ZNF667: variants seen among roughly 807,000 people sequenced by gnomAD.
The protein encoded by ZNF667 is zinc finger protein 667, also known as myocardial ischemic preconditioning upregulated 1 ortholog.
A neutral mutation model predicts 31.8 loss-of-function variants in ZNF667; 13 were observed. That is an observed-to-expected ratio of 0.41 (90% CI 0.27 to 0.65). The LOEUF (loss-of-function observed/expected upper bound fraction) is 0.65, where lower values mean the gene tolerates loss of function less well. ZNF667 is among the 30% of genes least tolerant of loss of function. The probability of loss-of-function intolerance (pLI) is 0.32; values close to 1 mark genes in which losing one functional copy is unlikely to be tolerated. For missense variants in ZNF667, 642 were observed against 725.6 expected (o/e 0.88, Z 1.32); for synonymous variants, 228 against 247.1 (o/e 0.92, Z 0.73).
At position 56,440,826 on chromosome 19, in the gene ZNF667, A is replaced by G. The variant is rs575869455; in HGVS notation, c.*336T>C. On this transcript the variant is annotated 3_prime_UTR_variant, in exon 7 of 7. Transcript: ENST00000504904. Reference sequence around the variant, plus strand: ...TAATTTTGTATTTTTTAGTAGAGACAGGGTTTCACCGTGGTCTCAAACTCT... The same window carrying G: ...TAATTTTGTATTTTTTAGTAGAGACGGGGTTTCACCGTGGTCTCAAACTCT... The G allele has an allele frequency of 3.4e-5, 27 of 800,924 alleles. No individual in the cohort carries two copies. In the African/African-American group the frequency reaches 4.4e-4, roughly 13 times the overall value. The allele number at this position is 800,924 out of a possible 1,614,324, so 49.6% of individuals were successfully genotyped here.
intron 6 of ZNF667, among the ~76,000 whole-genome samples, chr19:56,447,469 C>T (rs1263501288): frequency 6.6e-6 from 1 of 152,082 alleles, no homozygotes; most frequent in African/African-American, 2.4e-5. Flanking sequence ...AAGAAACAAA[C>T]TGGTACTTGG....
At chr19:56,463,376 GCCT>G (rs2043092289) in intron 3 of ZNF667, among the ~76,000 whole-genome samples, 1 of 152,046 alleles carries the variant, frequency 6.6e-6, no homozygotes, top group African/African-American at 2.4e-5. Flanking sequence ...TGGTCAGATC[GCCT>G]CCTCAAGAGG....
intron 6 of ZNF667, chr19:56,449,349 G>A (rs1250616191): frequency 2.8e-6 from 1 of 353,142 alleles, no homozygotes; most frequent in Non-Finnish European, 5.5e-6. Context: ...TGGAGTGACA[G>A]AGCTAATGTG....
intron 3 of ZNF667, chr19:56,467,049 C>T (rs1037004888): frequency 4.4e-6 from 2 of 456,560 alleles, no homozygotes; most frequent in Admixed American, 2.3e-5. Context: ...TTGGGACCCT[C>T]TTTTCCAGCA....
intron 3 of ZNF667, chr19:56,467,164 G>T: frequency 2.5e-6 from 1 of 396,072 alleles, no homozygotes; most frequent in Non-Finnish European, 5.1e-6. Flanking sequence ...CATGCTAAGG[G>T]GAATACTTGA....
chr19:56,450,022 A>T (rs2042788209), intron 6 of ZNF667, among the ~76,000 whole-genome samples: 1 of 151,978 alleles, frequency 6.6e-6, no homozygotes, highest in Non-Finnish European at 1.5e-5. Context: ...TTAGTGGCTT[A>T]AAGAGAAGGC....
At chr19:56,462,894 A>G (rs967845752) in intron 3 of ZNF667, among the ~76,000 whole-genome samples, 5 of 152,168 alleles carry the variant, frequency 3.3e-5, no homozygotes, top group African/African-American at 1.2e-4. Context: ...GAGTCGTGGA[A>G]TGGTCAGGGA....
Position 56,442,639 on chromosome 19 carries a change from G to A in ZNF667, c.356C>T (p.Pro119Leu), listed in dbSNP as rs899263604. Residue 119 changes from proline (P) to leucine (L), a missense_variant, in exon 7 of 7, where the codon CCT (proline) becomes CTT (leucine). Coordinates refer to ENST00000504904, the MANE Select transcript of ZNF667 (RefSeq NM_001321356.2). ...TTTGTTGCAGCCACTCTTTCGTGTAGGAGCTTTTTGTTGTGCAGAAACTAG... is the reference window on the plus strand; with the variant it reads ...TTTGTTGCAGCCACTCTTTCGTGTAAGAGCTTTTTGTTGTGCAGAAACTAG... Reference protein sequence around the residue: ...QKLVSAQQKAPTRKSGCNKNS... With the variant: ...QKLVSAQQKALTRKSGCNKNS... 3 of 1,613,698 alleles carry A rather than the reference G, an allele frequency of 1.9e-6. No homozygotes were observed. The highest frequency in any genetic ancestry group is 2.5e-6 in the Non-Finnish European group (3 of 1,179,966).
chr19:56,458,025 A>T (rs1210501490), intron 6 of ZNF667, 130 bp downstream of exon 6: 1 of 816,602 alleles, frequency 1.2e-6, no homozygotes, highest in Non-Finnish European at 2.0e-6. Flanking sequence ...TCATGCATTG[A>T]TCTTGGACTT....
At position 56,458,743 on chromosome 19, in the gene ZNF667, C is replaced by T. The variant is rs560880733; in HGVS notation, c.161-496G>A. Among the ~76,000 whole-genome samples the T allele has an allele frequency of 1.2e-4, 19 of 152,284 alleles. No homozygotes were observed. The East Asian group carries it at 3.3e-3, about 26-fold the overall frequency. On this transcript the variant is annotated intron_variant, in intron 5 of 6. Transcript: ENST00000504904. The stretch of plus-strand genomic sequence containing the variant: ...GTTGCTGACCACGTGGAAGGTGGTG[C>T]AGTAGAGGGTGCATGCTCTGTGTCC...
chr19:56,477,848 C>G (rs1475699140), upstream of ZNF667: 1 of 152,346 alleles, frequency 6.6e-6, no homozygotes. Flanking sequence ...CGCGCGTGCG[C>G]ACTACGCAGT....
intron 2 of ZNF667, chr19:56,472,485 T>C (rs1241902646): frequency 6.6e-6 from 1 of 152,168 alleles, no homozygotes; most frequent in Non-Finnish European, 1.5e-5. Flanking sequence ...CAATAGAAGT[T>C]ACACTGAGTG....
Position 56,440,481 on chromosome 19 carries a change from C to T in ZNF667, c.*681G>A, listed in dbSNP as rs1172192662. On this transcript the variant is annotated 3_prime_UTR_variant, in exon 7 of 7. Coordinates refer to ENST00000504904, the MANE Select transcript of ZNF667 (RefSeq NM_001321356.2). ...GGCACCCTGTTTTGCCGAGAAGTTC[C>T]TTATATTTGATAATTCTAGATCTGA... The T allele has an allele frequency of 4.4e-6, 3 of 677,096 alleles. No individual in the cohort carries two copies. The highest frequency in any genetic ancestry group is 5.5e-6 in the Non-Finnish European group (3 of 548,666). 41.9% of individuals were successfully genotyped at this position (677,096 alleles called of 1,614,324 possible).
chr19:56,474,872 A>G (rs2043368703), intron 1 of ZNF667: 1 of 152,112 alleles, frequency 6.6e-6, no homozygotes, highest in Admixed American at 6.5e-5. Flanking sequence ...TGAGAGTAAC[A>G]TTGAAGGCAT....
At chr19:56,469,970 C>T (rs566011739) in intron 3 of ZNF667, 32 of 484,420 alleles carry the variant, frequency 6.6e-5, no homozygotes, top group Admixed American at 3.0e-4. Context: ...TTCTTCACAG[C>T]GGAAACACAT....
At chr19:56,476,772 C>CACTG (rs1160650858) in intron 1 of ZNF667, 2 of 152,582 alleles carry the variant, frequency 1.3e-5, no homozygotes, top group Admixed American at 6.5e-5. Context: ...ACCGCAAAGC[C>CACTG]ACTGACGCTA....
chr19:56,451,115 A>G (rs756404457), intron 6 of ZNF667, among the ~76,000 whole-genome samples: 11 of 152,172 alleles, frequency 7.2e-5, no homozygotes, highest in Admixed American at 1.3e-4. Flanking sequence ...ACACACATAG[A>G]CTAAAAATAA....
chr19:56,451,868 CAA>C (rs71184363), intron 6 of ZNF667, among the ~76,000 whole-genome samples: 2 of 80,974 alleles, frequency 2.5e-5, no homozygotes, highest in African/African-American at 5.4e-5. Context: ...GACCCTGTCT[CAA>C]AAAAAAAAAA....
intron 3 of ZNF667, among the ~76,000 whole-genome samples, chr19:56,466,511 C>A (rs1391422570): frequency 6.6e-6 from 1 of 152,068 alleles, no homozygotes; most frequent in African/African-American, 2.4e-5. Flanking sequence ...TGAGCCACAC[C>A]CCACTTCTCT....
Sources: gnomAD v4.1 joint callset for allele counts (sites outside exome capture counted in the v4.1 genomes callset) on GRCh38, gnomAD v4.1.1 for gene constraint, MANE v1.5 for transcripts, NCBI Gene and HGNC (gene_info 2026-07-23, HGNC 2026-07-21) for gene names.